The following OXA1L variants were observed in gnomAD, a reference collection of about 807,000 sequenced individuals.
The protein encoded by OXA1L is mitochondrial inner membrane protein OXA1L.
In OXA1L, 42 loss-of-function variants were observed where a neutral mutation model predicts 52.2. That is an observed-to-expected ratio of 0.80 (90% CI 0.63 to 1.04). The LOEUF is 1.04. OXA1L is among the 50% of genes least tolerant of loss of function. The pLI, the probability that OXA1L is intolerant of heterozygous loss-of-function variation, is 0.00. For synonymous variants in OXA1L, 239 were observed against 201.9 expected, an observed-to-expected ratio of 1.18 and a Z score of -1.56; for missense variants, 572 against 555.0, an observed-to-expected ratio of 1.03 and a Z score of -0.31.
rs528621328 is a variant in OXA1L, at chr14:22,768,186, C to T, written c.439+15C>T. On this transcript the variant is annotated intron_variant, in intron 3 of 9. Transcript: ENST00000612549. ...CATTGCTGCATGTAAGGGGAATATA[C>T]CCTGGACATGGGTTAGGGATTTAAC... 18 of 1,594,874 alleles carry T rather than the reference C, an allele frequency of 1.1e-5. No individual in the cohort carries two copies. The East Asian group carries it at 1.8e-4, about 16-fold the overall frequency.
Position 22,768,154 on chromosome 14 carries a change from G to T in OXA1L, c.422G>T (p.Trp141Leu). 3 of 1,613,826 alleles carry T rather than the reference G, an allele frequency of 1.9e-6. No homozygotes were observed. The highest frequency in any genetic ancestry group is 2.5e-6 in the Non-Finnish European group (3 of 1,179,692). The change falls in exon 3 of 10, where the codon TGG (tryptophan) becomes TTG (leucine). Residue 141 changes from tryptophan to leucine, a missense_variant. Coordinates refer to ENST00000612549, the MANE Select transcript of OXA1L (RefSeq NM_005015.5). ...FMHVDLGLPWWGAIAACTVFA... is the reference protein window; with the variant it reads ...FMHVDLGLPWLGAIAACTVFA... ...CATGTTGATCTGGGCCTACCTTGGT[G>T]GGGGGCCATTGCTGCATGTAAGGGG... is the stretch of plus-strand genomic sequence containing the variant.
chr14:22,770,361 A>G (rs905376075), intron 5 of OXA1L, 83 bp downstream of exon 5: 2 of 1,543,892 alleles, frequency 1.3e-6, no homozygotes, highest in Admixed American at 3.4e-5. Context: ...AGGTCCCCCA[A>G]AAAACAGGTG....
At position 22,771,085 on chromosome 14, in the gene OXA1L, C is replaced by T. The variant is rs1398785535; in HGVS notation, c.1007C>T (p.Pro336Leu). Residue 336 changes from proline (P) to leucine (L), a missense_variant, in exon 8 of 10, where the codon CCA (proline) becomes CTA (leucine). By Grantham distance (98) the Pro-to-Leu change is moderately conservative. Coordinates refer to ENST00000612549, the MANE Select transcript of OXA1L (RefSeq NM_005015.5). ...GTCCAAGTATCCTGTCTCCGGATTC[C>T]AGCAGTACGCACTGTACTTAAAATC... ...SLVQVSCLRI[P>L]AVRTVLKIPQ... 4.7e-5 allele frequency: 76 copies of T among 1,614,018 alleles called. No homozygotes were observed. The highest frequency in any genetic ancestry group is 6.2e-5 in the Non-Finnish European group (73 of 1,180,002).
intron 3 of OXA1L, chr14:22,768,385 T>C: frequency 3.5e-6 from 2 of 563,806 alleles, no homozygotes; most frequent in Non-Finnish European, 6.4e-6. Context: ...TCAAGAAGTG[T>C]AGATATTTGA....
Position 22,772,488 on chromosome 14 carries a change from C to CAA in OXA1L, c.*960_*961dup, listed in dbSNP as rs56136068. On this transcript the variant is annotated 3_prime_UTR_variant, in exon 10 of 10. Coordinates refer to ENST00000612549, the MANE Select transcript of OXA1L (RefSeq NM_005015.5). Reference sequence around the variant, plus strand: ...TGGGCAAGAGAGTGAGACTCCTTCTCAAAAAAAAAAAAAAAAAAAAAAAAA... The same window carrying CAA: ...TGGGCAAGAGAGTGAGACTCCTTCTCAAAAAAAAAAAAAAAAAAAAAAAAAAA... 6.8e-4 allele frequency: 52 copies of CAA among 75,996 alleles called. 2 individuals are homozygous for CAA. The highest frequency in any genetic ancestry group is 1.4e-3 in the African/African-American group (23 of 15,976). The allele number at this position is 75,996 out of a possible 1,614,324, so 4.7% of individuals were successfully genotyped here.
Position 22,766,995 on chromosome 14 carries a change from C to T in OXA1L, c.63+231C>T, listed in dbSNP as rs771861483. The T allele has an allele frequency of 1.3e-5, 20 of 1,533,076 alleles. No homozygotes were observed. In the South Asian group the frequency reaches 1.7e-4, roughly 13 times the overall value. 95.0% of individuals were successfully genotyped at this position (1,533,076 alleles called of 1,614,324 possible). A position where few individuals can be genotyped will look rare whatever the true frequency, so the allele number is the denominator to read the frequency against. ...TGGCTCCTGGCGAGAGCACCTCGGC[C>T]TCGTTCTCAGGGCCCTCCGATGTGG... On this transcript the variant is annotated intron_variant, in intron 1 of 9. Coordinates refer to ENST00000612549, the MANE Select transcript of OXA1L (RefSeq NM_005015.5).
intron 4 of OXA1L, 45 bp downstream of exon 4, chr14:22,769,979 C>G: frequency 6.2e-7 from 1 of 1,604,926 alleles, no homozygotes; most frequent in Non-Finnish European, 8.5e-7. Flanking sequence ...CACATTTGCA[C>G]TTTTCCTTAC....
Position 22,770,186 on chromosome 14 carries a change from C to T in OXA1L, c.584-7C>T, listed in dbSNP as rs368580740. ...ACCCCAACCATTAATTTCCCCTCAC[C>T]TCACAGATTACAAGGCTTCCTCGGA... is the stretch of plus-strand genomic sequence containing the variant. On this transcript the variant is annotated splice_region_variant and splice_polypyrimidine_tract_variant and intron_variant, in intron 4 of 9. Transcript: ENST00000612549. 27 of 1,595,740 alleles carry T rather than the reference C, an allele frequency of 1.7e-5. No individual in the cohort carries two copies. In the African/African-American group the frequency reaches 2.8e-4, roughly 17 times the overall value.
Position 22,771,253 on chromosome 14 carries a change from C to T in OXA1L, c.1103-15C>T. 1.9e-6 allele frequency: 3 copies of T among 1,613,606 alleles called. No homozygotes were observed. The highest frequency in any genetic ancestry group is 2.2e-5 in the South Asian group (2 of 91,060). The stretch of plus-strand genomic sequence containing the variant: ...AATAGGAATGCAACTGACTCTCTTG[C>T]TTCTCTTTACACAGGCTGGAAAAAT... On this transcript the variant is annotated splice_polypyrimidine_tract_variant and intron_variant, in intron 8 of 9. Coordinates refer to ENST00000612549, the MANE Select transcript of OXA1L (RefSeq NM_005015.5).
rs560332307 is a variant in OXA1L, at chr14:22,770,952, G to A, written c.939+43G>A. 293 of 1,612,432 alleles carry A rather than the reference G, an allele frequency of 1.8e-4. 5 individuals carry two copies. The South Asian group carries it at 2.8e-3, about 15-fold the overall frequency. ...GGCTGGCTCCAAGGCCTTCTGCCTA[G>A]CCTAGCCACCTAGCAAGCTGACCAG... is the stretch of plus-strand genomic sequence containing the variant. On this transcript the variant is annotated intron_variant, in intron 7 of 9. Transcript: ENST00000612549.
At chr14:22,770,711 C>G (rs2038451108) in intron 6 of OXA1L, 86 bp downstream of exon 6, 7 of 1,549,342 alleles carry the variant, frequency 4.5e-6, no homozygotes, top group East Asian at 2.3e-5. Flanking sequence ...TCATCCTTCA[C>G]TTGCTGGAGA....
intron 1 of OXA1L, 140 bp from the exon 2 acceptor site, chr14:22,767,106 TGC>T (rs2038413060): frequency 6.5e-7 from 1 of 1,534,054 alleles, no homozygotes; most frequent in African/African-American, 1.4e-5. Context: ...GCTAGCGGTC[TGC>T]GCGCGGTGAT....
chr14:22,769,933 G>C lies in OXA1L; in HGVS notation c.582G>C (p.Glu194Asp), dbSNP rs764608444. Residue 194 changes from glutamate to aspartate, a missense_variant and splice_region_variant, in exon 4 of 10, where the codon GAG becomes GAC. Glu to Asp is a conservative substitution (Grantham distance 45, BLOSUM62 2). Transcript: ENST00000612549. ...REAKLAGDHIEYYKASSEMAL... is the reference protein window; with the variant it reads ...REAKLAGDHIDYYKASSEMAL... ...CCAAGTTAGCAGGAGACCATATTGA[G>C]TGTGAGTCAGTTGCAGAATGAGCGT... 1.2e-6 allele frequency: 2 copies of C among 1,614,152 alleles called. No homozygotes were observed. Among genetic ancestry groups the C allele is most frequent in the South Asian group, 2.2e-5 (2 of 91,080 alleles).
intron 3 of OXA1L, chr14:22,768,587 C>A: frequency 5.0e-6 from 1 of 199,142 alleles, no homozygotes; most frequent in Non-Finnish European, 1.1e-5. Flanking sequence ...ATCTTTTCTC[C>A]CCTGTGTCTT....
At position 22,768,162 on chromosome 14, in the gene OXA1L, A is replaced by G. The variant is rs1363890496; in HGVS notation, c.430A>G (p.Ile144Val). Residue 144 changes from isoleucine (I) to valine (V), a missense_variant, in exon 3 of 10, where the codon ATT becomes GTT. Transcript: ENST00000612549. ...VDLGLPWWGA[I>V]AACTVFARCL... The stretch of plus-strand genomic sequence containing the variant: ...TCTGGGCCTACCTTGGTGGGGGGCC[A>G]TTGCTGCATGTAAGGGGAATATACC... 2.5e-6 allele frequency: 4 copies of G among 1,613,178 alleles called. No homozygotes were observed. The African/African-American group carries it at 4.0e-5, about 16-fold the overall frequency.
rs1594938111 is a variant in OXA1L, at chr14:22,768,147, C to G, written c.415C>G (p.Pro139Ala). Reference protein sequence around the residue: ...LEFMHVDLGLPWWGAIAACTV... With the variant: ...LEFMHVDLGLAWWGAIAACTV... ...ATTTATGCATGTTGATCTGGGCCTA[C>G]CTTGGTGGGGGGCCATTGCTGCATG... Residue 139 changes from proline to alanine, a missense_variant, in exon 3 of 10, where the codon CCT (proline) becomes GCT (alanine). By Grantham distance (27) the Pro-to-Ala change is conservative (BLOSUM62 -1). Transcript: ENST00000612549. The G allele has an allele frequency of 6.2e-7, 1 of 1,614,096 alleles. No individual in the cohort carries two copies. Among genetic ancestry groups the G allele is most frequent in the African/African-American group, 1.3e-5 (1 of 75,038 alleles).
rs759248743 is a variant in OXA1L at position 22,769,910 on chromosome 14, A to G, written c.559A>G (p.Lys187Glu). The change falls in exon 4 of 10, where the codon AAG becomes GAG. Residue 187 changes from lysine (K) to glutamate (E), a missense_variant. Around this residue, in one of 5 missense-constraint regions of OXA1L, gnomAD observed 132 missense variants for 124.0 expected, o/e 1.06. Coordinates refer to ENST00000612549, the MANE Select transcript of OXA1L (RefSeq NM_005015.5). ...QKFSSRIREAKLAGDHIEYYK... is the reference protein window; with the variant it reads ...QKFSSRIREAELAGDHIEYYK... ...GTTTTCCAGTCGAATCAGAGAGGCC[A>G]AGTTAGCAGGAGACCATATTGAGTG... The G allele has an allele frequency of 6.2e-7, 1 of 1,614,184 alleles. No individual in the cohort carries two copies. The highest frequency in any genetic ancestry group is 1.1e-5 in the South Asian group (1 of 91,086).
Position 22,767,957 on chromosome 14 carries a change from G to C in OXA1L, c.226-1G>C. On this transcript the variant is annotated splice_acceptor_variant, in intron 2 of 9. Coordinates refer to ENST00000612549, the MANE Select transcript of OXA1L (RefSeq NM_005015.5). LOFTEE classifies it high-confidence loss of function. Reference sequence around the variant, plus strand: ...ATAATACAAGGCTTTCTTTCACACAGGTTCAGGCCCCTCCTGTTGTTGCTG... The same window carrying C: ...ATAATACAAGGCTTTCTTTCACACACGTTCAGGCCCCTCCTGTTGTTGCTG... 1.2e-6 allele frequency: 2 copies of C among 1,609,410 alleles called. No homozygotes were observed. The highest frequency in any genetic ancestry group is 1.7e-6 in the Non-Finnish European group (2 of 1,176,244).
intron 5 of OXA1L, 26 bp downstream of exon 5, chr14:22,770,304 T>C: frequency 8.4e-6 from 13 of 1,543,212 alleles, no homozygotes; most frequent in Admixed American, 1.7e-5. Context: ...TCCTTCCTTA[T>C]TTCATCCAGT....
Sources: gnomAD v4.1 joint callset for allele counts on GRCh38, gnomAD v4.1.1 for gene constraint, gnomAD v4.1.1 regional missense constraint, MANE v1.5 for transcripts, NCBI Gene and HGNC (gene_info 2026-07-23, HGNC 2026-07-21) for gene names.